SAMD12: variants seen among roughly 807,000 people sequenced by gnomAD.
SAMD12 encodes the protein sterile alpha motif domain containing 12.
SAMD12 carries 9 observed loss-of-function variants against 15.0 expected under a neutral mutation model. The observed-to-expected ratio is 0.60, with a 90% CI of 0.36 to 1.05. SAMD12 has a LOEUF of 1.05. SAMD12 is among the 50% of genes least tolerant of loss of function. The pLI is 0.01. For missense variants in SAMD12, 230 were observed against 234.2 expected, an observed-to-expected ratio of 0.98 and a Z score of 0.12; for synonymous variants, 86 against 90.1, an observed-to-expected ratio of 0.96 and a Z score of 0.25.
Position 118,258,556 on chromosome 8 carries a change from C to T in SAMD12, c.434-60824G>A, listed in dbSNP as rs185699098. Among the ~76,000 whole-genome samples, 642 of 152,208 alleles carry T rather than the reference C, an allele frequency of 4.2e-3. 8 individuals carry two copies. Among genetic ancestry groups the T allele is most frequent in the African/African-American group, 0.015 (622 of 41,546 alleles). On this transcript the variant is annotated intron_variant, in intron 4 of 4. Transcript: ENST00000409003. ...AAAATATCAAAGAATATCTTATTGG[C>T]CTAGATTATACCAGGTTCTGTGTAG...
chr8:118,591,167 T>C (rs1319403594), intron 1 of SAMD12, among the ~76,000 whole-genome samples: 1 of 152,190 alleles, frequency 6.6e-6, no homozygotes, highest in Non-Finnish European at 1.5e-5. Flanking sequence ...TTTTATGGTA[T>C]ATAAATTAAT....
At chr8:118,477,971 C>G (rs2515007) in intron 2 of SAMD12, among the ~76,000 whole-genome samples, 120,604 of 147,558 alleles carry the variant, frequency 0.82, 49,665 homozygotes, top group African/African-American at 0.92. Flanking sequence ...CAGAGATCTC[C>G]CCACTGCACT....
chr8:118,188,889 C>A (rs1474842492), downstream of SAMD12, among the ~76,000 whole-genome samples: 2 of 152,062 alleles, frequency 1.3e-5, no homozygotes, highest in African/African-American at 4.8e-5. Context: ...TCTGGAAGCA[C>A]TGGTTTCTAA....
intron 4 of SAMD12, among the ~76,000 whole-genome samples, chr8:118,329,145 G>A (rs1816696230): frequency 6.6e-6 from 1 of 152,056 alleles, no homozygotes; most frequent in Non-Finnish European, 1.5e-5. Context: ...CACTAAATTA[G>A]GAAGTTGGGC....
intron 2 of SAMD12, among the ~76,000 whole-genome samples, chr8:118,485,630 T>C (rs759292126): frequency 6.6e-6 from 1 of 152,206 alleles, no homozygotes; most frequent in African/African-American, 2.4e-5. Context: ...GCTAGCAACA[T>C]TTAAAGAATG....
At chr8:118,480,657 GAAC>G (rs1291563269) in intron 2 of SAMD12, among the ~76,000 whole-genome samples, 16 of 152,192 alleles carry the variant, frequency 1.1e-4, no homozygotes, top group Non-Finnish European at 2.2e-4. Flanking sequence ...ACTCTCCTGG[GAAC>G]AACCAGAATG....
chr8:118,490,433 A>T (rs1188431316), intron 2 of SAMD12, among the ~76,000 whole-genome samples: 3 of 152,206 alleles, frequency 2.0e-5, no homozygotes, highest in Non-Finnish European at 4.4e-5. Flanking sequence ...CAAAGAAAAG[A>T]GAATGCAAAA....
chr8:118,420,552 G>C (rs1321780589), intron 3 of SAMD12, among the ~76,000 whole-genome samples: 1 of 152,156 alleles, frequency 6.6e-6, no homozygotes, highest in African/African-American at 2.4e-5. Flanking sequence ...GGAAGAGAGA[G>C]AACTATGCCA....
chr8:118,524,422 C>T (rs1413180067), intron 2 of SAMD12, among the ~76,000 whole-genome samples: 1 of 152,140 alleles, frequency 6.6e-6, no homozygotes, highest in Non-Finnish European at 1.5e-5. Flanking sequence ...TGACTCCTTA[C>T]TGTTTCTTTC....
At chr8:118,570,407 A>G (rs531242588) in intron 2 of SAMD12, among the ~76,000 whole-genome samples, 134 of 152,020 alleles carry the variant, frequency 8.8e-4, no homozygotes, top group Non-Finnish European at 1.4e-3. Context: ...TCCCTTCTAT[A>G]TATCCATGTG....
At chr8:118,510,254 GCACA>G (rs144640699) in intron 2 of SAMD12, among the ~76,000 whole-genome samples, 2 of 150,134 alleles carry the variant, frequency 1.3e-5, no homozygotes, top group Admixed American at 6.7e-5. Flanking sequence ...ACACATGCAT[GCACA>G]CACACACACA....
At chr8:118,173,188 T>C in the SAMD12 span, among the ~76,000 whole-genome samples, 1 of 152,220 alleles carries the variant, frequency 6.6e-6, no homozygotes, top group Non-Finnish European at 1.5e-5. Flanking sequence ...TTCCTTGCCA[T>C]GCCTGAAATT....
the SAMD12 span, among the ~76,000 whole-genome samples, chr8:118,154,755 A>T: frequency 6.6e-6 from 1 of 152,228 alleles, no homozygotes; most frequent in Non-Finnish European, 1.5e-5. Context: ...GCAATAGAAA[A>T]TTAGGAATAA....
chr8:118,349,071 G>A (rs1187807781), intron 4 of SAMD12, among the ~76,000 whole-genome samples: 1 of 152,158 alleles, frequency 6.6e-6, no homozygotes, highest in Admixed American at 6.5e-5. Flanking sequence ...CCATATGCTT[G>A]GAGAAAGGTA....
At chr8:118,296,215 A>T (rs763890935) in intron 4 of SAMD12, among the ~76,000 whole-genome samples, 2 of 152,198 alleles carry the variant, frequency 1.3e-5, no homozygotes, top group Admixed American at 1.3e-4. Flanking sequence ...CAAAACAAAA[A>T]GCTACAAGAA....
chr8:118,531,261 G>A (rs191676938), intron 2 of SAMD12, among the ~76,000 whole-genome samples: 26 of 152,254 alleles, frequency 1.7e-4, no homozygotes, highest in Non-Finnish European at 3.1e-4. Flanking sequence ...TTATTTCTGA[G>A]GCTTCTATTC....
chr8:118,619,564 T>C (rs915550903), intron 1 of SAMD12, among the ~76,000 whole-genome samples: 22 of 151,628 alleles, frequency 1.5e-4, no homozygotes, highest in Admixed American at 7.2e-4. Context: ...GAAAGCCCCA[T>C]GTACCCTTAT....
chr8:118,298,826 T>C (rs1404142590), intron 4 of SAMD12, among the ~76,000 whole-genome samples: 3 of 152,214 alleles, frequency 2.0e-5, no homozygotes, highest in Non-Finnish European at 4.4e-5. Flanking sequence ...TAAATAACTA[T>C]AAATTGATAT....
chr8:118,226,238 A>G (rs1381013116), intron 4 of SAMD12, among the ~76,000 whole-genome samples: 2 of 152,188 alleles, frequency 1.3e-5, no homozygotes, highest in Admixed American at 1.3e-4. Context: ...CATACACTCA[A>G]TAACTCAGGA....
Sources: gnomAD v4.1 joint callset for allele counts (sites outside exome capture counted in the v4.1 genomes callset) on GRCh38, gnomAD v4.1.1 for gene constraint, MANE v1.5 for transcripts, NCBI Gene and HGNC (gene_info 2026-07-23, HGNC 2026-07-21) for gene names.